Variants in ODR4 observed in about 807,000 individuals in gnomAD.
The protein encoded by ODR4 is protein odr-4 homolog.
In ODR4, 47 loss-of-function variants were observed where a neutral mutation model predicts 60.2. That is an observed-to-expected ratio of 0.78 (90% confidence interval 0.62 to 1.00). The LOEUF is 1.00. Ranked by LOEUF, ODR4 falls within the 50% of genes least tolerant of loss-of-function variation. The pLI, the probability that ODR4 is intolerant of heterozygous loss-of-function variation, is 0.00. For synonymous variants in ODR4, 178 were observed against 175.5 expected, an observed-to-expected ratio of 1.01 and a Z score of -0.11; for missense variants, 488 against 530.8, an observed-to-expected ratio of 0.92 and a Z score of 0.79.
At chr1:186,401,154 T>C (rs767304577) in intron 11 of ODR4, 4 of 1,594,088 alleles carry the variant, frequency 2.5e-6, no homozygotes, top group Admixed American at 1.7e-5. Context: ...GCTATCCTGG[T>C]ATTCTTTCAT....
At chr1:186,397,312 T>C (rs983563094) in intron 9 of ODR4, among the ~76,000 whole-genome samples, 1 of 152,242 alleles carries the variant, frequency 6.6e-6, no homozygotes, top group African/African-American at 2.4e-5. Flanking sequence ...TGATTTGACT[T>C]TTGTTCTTCA....
rs184047132 is a variant in ODR4, at chr1:186,407,540, A to C, written c.1186+1272A>C. On this transcript the variant is annotated intron_variant, in intron 12 of 13. Transcript: ENST00000287859. ...GGATCATTCAAATTGACCTAATTTAACCTCTTAATACTGAAAACTACATCC... is the reference window on the plus strand; with the variant it reads ...GGATCATTCAAATTGACCTAATTTACCCTCTTAATACTGAAAACTACATCC... Among the ~76,000 whole-genome samples the C allele has an allele frequency of 3.2e-3, 485 of 152,218 alleles. 3 individuals are homozygous for C. Among genetic ancestry groups the C allele is most frequent in the Non-Finnish European group, 5.7e-3 (384 of 67,940 alleles).
At chr1:186,421,713 A>C (rs965338979), downstream of ODR4, among the ~76,000 whole-genome samples, 8 of 151,882 alleles carry the variant, frequency 5.3e-5, no homozygotes, top group Admixed American at 2.6e-4. Context: ...AATACACAAA[A>C]ATCAGCTGCG....
intron 12 of ODR4, 153 bp from the exon 13 acceptor site, chr1:186,417,391 C>T (rs562096950): frequency 4.9e-6 from 3 of 614,446 alleles, no homozygotes; most frequent in Admixed American, 3.2e-5. Flanking sequence ...AATTCACCTA[C>T]AATTGATAAT....
At chr1:186,417,520 TTTA>T (rs746807684) in intron 12 of ODR4, 21 bp from the exon 13 acceptor site, 89 of 1,285,884 alleles carry the variant, frequency 6.9e-5, no homozygotes, top group Admixed American at 2.9e-4. Flanking sequence ...TTATGTGGAA[TTTA>T]TTATTATTAT....
chr1:186,382,486 T>C (rs2102017380), intron 2 of ODR4, among the ~76,000 whole-genome samples: 1 of 152,054 alleles, frequency 6.6e-6, no homozygotes, highest in African/African-American at 2.4e-5. Context: ...ACAAAAAACT[T>C]GAGGAACATA....
intron 12 of ODR4, chr1:186,417,253 A>G (rs1007758152): frequency 3.4e-6 from 1 of 294,676 alleles, no homozygotes; most frequent in Non-Finnish European, 6.3e-6. Flanking sequence ...GTCAGCCACC[A>G]TGCCTGGCCA....
At chr1:186,427,445 CATG>C in the ODR4 span, among the ~76,000 whole-genome samples, 1 of 152,176 alleles carries the variant, frequency 6.6e-6, no homozygotes, top group Non-Finnish European at 1.5e-5. Context: ...CAAGTTTTAT[CATG>C]ATATCGCACC....
chr1:186,399,926 C>T (rs1375992725), intron 11 of ODR4, among the ~76,000 whole-genome samples: 1 of 149,212 alleles, frequency 6.7e-6, no homozygotes, highest in African/African-American at 2.5e-5. Flanking sequence ...TAATCAAAAG[C>T]AAGTTAAAAT....
In ODR4 at chr1:186,386,047, A is replaced by G. The variant is rs528881905; in HGVS notation, c.294A>G (p.Leu98=). 9.9e-5 allele frequency: 159 copies of G among 1,604,424 alleles called. 2 individuals are homozygous for G. In the South Asian group the frequency reaches 1.7e-3, roughly 18 times the overall value. The stretch of plus-strand genomic sequence containing the variant: ...TTGGAGTATTTATTATTACTACTTT[A>G]GAACTGGCAAATGATTTTCAAAATG... ...LVLGVFIITT[L]ELANDFQNAL... Residue 98 remains leucine (L), a synonymous_variant, in exon 4 of 14, where the codon TTA becomes TTG. Coordinates refer to ENST00000287859, the MANE Select transcript of ODR4 (RefSeq NM_017847.6).
At chr1:186,426,117 A>T (rs1206665180), downstream of ODR4, among the ~76,000 whole-genome samples, 1 of 152,080 alleles carries the variant, frequency 6.6e-6, no homozygotes, top group African/African-American at 2.4e-5. Flanking sequence ...CTGTTTTCTC[A>T]TTGATCTTCT....
chr1:186,384,572 G>GACACTCACAC (rs1553234419), intron 3 of ODR4, among the ~76,000 whole-genome samples: 9 of 129,546 alleles, frequency 6.9e-5, no homozygotes, highest in African/African-American at 2.1e-4. Context: ...AATTGTATAT[G>GACACTCACAC]ACACACACAC....
chr1:186,409,688 G>A (rs956585911), intron 12 of ODR4, among the ~76,000 whole-genome samples: 5 of 152,162 alleles, frequency 3.3e-5, no homozygotes, highest in Non-Finnish European at 7.3e-5. Flanking sequence ...TGGGATTACA[G>A]GTGCGTGCCA....
At chr1:186,376,302 T>C (rs1377263501) in intron 1 of ODR4, among the ~76,000 whole-genome samples, 3 of 152,182 alleles carry the variant, frequency 2.0e-5, no homozygotes, top group Admixed American at 6.5e-5. Context: ...GTTTTTAAAA[T>C]TGAAAACTGT....
At chr1:186,379,980 A>G (rs1479998610) in intron 2 of ODR4, 96 bp downstream of exon 2, 2 of 693,602 alleles carry the variant, frequency 2.9e-6, no homozygotes, top group African/African-American at 3.8e-5. Context: ...ATGCTATTTA[A>G]TAATAAACTC....
At chr1:186,385,955 A>C (rs372437615) in intron 3 of ODR4, 33 bp from the exon 4 acceptor site, 2 of 1,387,722 alleles carry the variant, frequency 1.4e-6, no homozygotes, top group African/African-American at 2.9e-5. Flanking sequence ...TATAATGCCA[A>C]TTTGTTAGCT....
Position 186,379,299 on chromosome 1 carries a change from C to T in ODR4, c.-19-468C>T, listed in dbSNP as rs780020937. Among the ~76,000 whole-genome samples the T allele has an allele frequency of 1.2e-4, 18 of 151,956 alleles. No homozygotes were observed. The East Asian group carries it at 1.9e-3, about 16-fold the overall frequency. On this transcript the variant is annotated intron_variant, in intron 1 of 13. Coordinates refer to ENST00000287859, the MANE Select transcript of ODR4 (RefSeq NM_017847.6). ...CTCTACTAAAAACACAAAAATTAGCCGGGCATGGTCGTGAGCCCCTGTAAC... is the reference window on the plus strand; with the variant it reads ...CTCTACTAAAAACACAAAAATTAGCTGGGCATGGTCGTGAGCCCCTGTAAC...
At chr1:186,388,779 G>C (rs2102031097) in intron 5 of ODR4, among the ~76,000 whole-genome samples, 1 of 152,226 alleles carries the variant, frequency 6.6e-6, no homozygotes, top group South Asian at 2.1e-4. Flanking sequence ...AAAGACTCAG[G>C]ATTCTGAATT....
intron 1 of ODR4, among the ~76,000 whole-genome samples, chr1:186,376,204 G>T (rs1659756779): frequency 6.6e-6 from 1 of 152,108 alleles, no homozygotes; most frequent in South Asian, 2.1e-4. Context: ...AATTCTTCAG[G>T]AGGAGAATTA....
Sources: gnomAD v4.1 joint callset for allele counts (sites outside exome capture counted in the v4.1 genomes callset) on GRCh38, gnomAD v4.1.1 for gene constraint, MANE v1.5 for transcripts, NCBI Gene and HGNC (gene_info 2026-07-23, HGNC 2026-07-21) for gene names.